The following TRNT1 variants were observed in gnomAD, a reference collection of about 807,000 sequenced individuals.
The protein encoded by TRNT1 is CCA tRNA nucleotidyltransferase 1, mitochondrial.
In TRNT1, 44 loss-of-function variants were observed where a neutral mutation model predicts 45.6. The ratio of observed to expected loss-of-function variants is 0.97; its 90% CI spans 0.76 to 1.24. The LOEUF (loss-of-function observed/expected upper bound fraction) is 1.24, where lower values mean the gene tolerates loss of function less well. Among genes scored for constraint, TRNT1 ranks in the 50% most tolerant of loss-of-function variants. The pLI, the probability that TRNT1 is intolerant of heterozygous loss-of-function variation, is 0.00. For synonymous variants in TRNT1, 201 were observed against 171.4 expected, an observed-to-expected ratio of 1.17 and a Z score of -1.35; for missense variants, 633 against 504.4, an observed-to-expected ratio of 1.25 and a Z score of -2.44.
downstream of TRNT1, chr3:3,152,591 A>C (rs373107124): frequency 3.4e-4 from 556 of 1,614,082 alleles, 4 homozygotes; most frequent in South Asian, 4.9e-3. Context: ...GGATAAACTA[A>C]AACAAAGAAT....
chr3:3,152,857 T>C (rs1206726444), downstream of TRNT1: 1 of 475,310 alleles, frequency 2.1e-6, no homozygotes, highest in Non-Finnish European at 3.8e-6. Flanking sequence ...AAGACAGACA[T>C]TGTAAAGAAT....
intron 2 of TRNT1, chr3:3,130,641 T>C (rs1314332797): frequency 6.6e-6 from 1 of 152,214 alleles, no homozygotes; most frequent in Non-Finnish European, 1.5e-5. Flanking sequence ...ACTAACCACA[T>C]TAAAAAGATA....
chr3:3,151,289 TAA>T (rs1706530640), downstream of TRNT1, among the ~76,000 whole-genome samples: 1 of 152,182 alleles, frequency 6.6e-6, no homozygotes, highest in Non-Finnish European at 1.5e-5. Flanking sequence ...TGCATAGAAA[TAA>T]AGAGTAATCT....
intron 4 of TRNT1, among the ~76,000 whole-genome samples, chr3:3,141,890 G>T (rs559621613): frequency 1.1e-4 from 16 of 152,242 alleles, no homozygotes; most frequent in Non-Finnish European, 2.2e-4. Flanking sequence ...GTACAACATT[G>T]GGTACCTGAT....
downstream of TRNT1, among the ~76,000 whole-genome samples, chr3:3,151,260 G>A (rs116054293): frequency 4.3e-3 from 655 of 152,204 alleles, 3 homozygotes; most frequent in African/African-American, 0.015. Context: ...CTTAAGCCAT[G>A]TTTACATTTT....
rs956571369 is a variant in TRNT1, at chr3:3,148,929, T to C, written c.*775T>C. ...TAATATGCCTGTCTTTAAAGTGTTA[T>C]TTTATTAATTAAAAGGATATGGCTA... On this transcript the variant is annotated 3_prime_UTR_variant, in exon 8 of 8. Transcript: ENST00000251607. 1 of 149,930 alleles carries C rather than the reference T, an allele frequency of 6.7e-6. No homozygotes were observed. The highest frequency in any genetic ancestry group is 1.5e-5 in the Non-Finnish European group (1 of 67,360). 9.3% of individuals were successfully genotyped at this position (149,930 alleles called of 1,614,324 possible).
In TRNT1 at chr3:3,147,539, T is replaced by G. The variant is rs1304765821; in HGVS notation, c.892T>G (p.Ser298Ala). Reference protein sequence around the residue: ...FSPKPVTLLASLFKVQDDVTK... With the variant: ...FSPKPVTLLAALFKVQDDVTK... ...ACCAAAGCCAGTGACTCTTTTGGCC[T>G]CATTATTCAAAGTACAAGATGATGT... The change falls in exon 7 of 8, where the codon TCA becomes GCA. Residue 298 changes from serine (S) to alanine (A), a missense_variant. Physicochemically the swap from Ser to Ala is moderately conservative, Grantham distance 99. Transcript: ENST00000251607. The G allele has an allele frequency of 6.2e-7, 1 of 1,613,958 alleles. No homozygotes were observed. Among genetic ancestry groups the G allele is most frequent in the Non-Finnish European group, 8.5e-7 (1 of 1,179,860 alleles).
At chr3:3,140,815 G>T (rs951612896) in intron 4 of TRNT1, 167 bp downstream of exon 4, 44 of 811,404 alleles carry the variant, frequency 5.4e-5, no homozygotes, top group African/African-American at 4.2e-4. Flanking sequence ...GGGCACGGTG[G>T]GTCACGCCTG....
chr3:3,140,695 T>C, intron 4 of TRNT1, 47 bp downstream of exon 4: 4 of 1,581,282 alleles, frequency 2.5e-6, no homozygotes, highest in Non-Finnish European at 3.4e-6. Flanking sequence ...CAGAATGCCT[T>C]CTTTTCAAGT....
At chr3:3,130,985 G>A (rs916067376) in intron 2 of TRNT1, among the ~76,000 whole-genome samples, 2 of 152,032 alleles carry the variant, frequency 1.3e-5, no homozygotes, top group African/African-American at 2.4e-5. Context: ...GGGAGGCTGA[G>A]GTGGGAGGAT....
chr3:3,129,514 G>A (rs1704865614), intron 2 of TRNT1: 1 of 396,754 alleles, frequency 2.5e-6, no homozygotes, highest in Admixed American at 4.0e-5. Flanking sequence ...TTGAGCCCAG[G>A]AGTTTGAGGC....
intron 1 of TRNT1, among the ~76,000 whole-genome samples, chr3:3,128,257 T>G (rs1016530734): frequency 6.6e-6 from 1 of 152,098 alleles, no homozygotes; most frequent in African/African-American, 2.4e-5. Context: ...GGGAGTTTCC[T>G]CAGATCCCCA....
chr3:3,139,280 C>T (rs748205433), intron 3 of TRNT1, among the ~76,000 whole-genome samples: 6 of 152,166 alleles, frequency 3.9e-5, no homozygotes, highest in Non-Finnish European at 7.3e-5. Flanking sequence ...TCAAACCTTA[C>T]CTTATTCTTT....
chr3:3,141,379 A>G (rs1392395874), intron 4 of TRNT1, among the ~76,000 whole-genome samples: 3 of 152,140 alleles, frequency 2.0e-5, no homozygotes, highest in East Asian at 1.9e-4. Context: ...TTTCCTTTGC[A>G]CTATCTTTCA....
intron 2 of TRNT1, chr3:3,136,618 A>G: frequency 2.3e-6 from 1 of 434,516 alleles, no homozygotes; most frequent in South Asian, 1.7e-5. Context: ...ATAAATGGGG[A>G]AAAGAAAGCA....
intron 3 of TRNT1, among the ~76,000 whole-genome samples, chr3:3,138,940 A>G (rs925583057): frequency 2.6e-5 from 4 of 152,190 alleles, no homozygotes; most frequent in African/African-American, 7.2e-5. Context: ...GTGTCAGCCA[A>G]CTGGGACTCC....
chr3:3,127,942 C>G (rs972302507), intron 1 of TRNT1: 3 of 152,174 alleles, frequency 2.0e-5, no homozygotes, highest in East Asian at 1.9e-4. Context: ...ATTTCTGTAA[C>G]CAGGTACGGG....
chr3:3,150,698 A>C, downstream of TRNT1: 2 of 658,832 alleles, frequency 3.0e-6, no homozygotes, highest in South Asian at 3.9e-5. Flanking sequence ...TATACTTAAA[A>C]GTTTCAAATA....
At chr3:3,143,711 C>G (rs1246453137) in intron 4 of TRNT1, among the ~76,000 whole-genome samples, 1 of 152,058 alleles carries the variant, frequency 6.6e-6, no homozygotes, top group Non-Finnish European at 1.5e-5. Context: ...AACCCTGTCT[C>G]TACTAAAAAT....
Sources: gnomAD v4.1 joint callset for allele counts (sites outside exome capture counted in the v4.1 genomes callset) on GRCh38, gnomAD v4.1.1 for gene constraint, MANE v1.5 for transcripts, NCBI Gene and HGNC (gene_info 2026-07-23, HGNC 2026-07-21) for gene names.